CNTLN: variants seen among roughly 807,000 people sequenced by gnomAD.
CNTLN encodes the protein centlein, also known as centlein, centrosomal protein.
CNTLN carries 212 observed loss-of-function variants against 180.0 expected under a neutral mutation model. That is an observed-to-expected ratio of 1.18 (90% CI 1.05 to 1.32). The LOEUF is 1.32. Ranked by LOEUF, CNTLN falls within the 40% of genes most tolerant of loss-of-function variation. The pLI is 0.00. For synonymous variants in CNTLN, 722 were observed against 563.1 expected, an observed-to-expected ratio of 1.28 and a Z score of -3.99; for missense variants, 2,095 against 1,610.9, an observed-to-expected ratio of 1.30 and a Z score of -5.14.
At chr9:17,526,230 C>T in the CNTLN span, among the ~76,000 whole-genome samples, 1 of 152,230 alleles carries the variant, frequency 6.6e-6, no homozygotes, top group East Asian at 1.9e-4. Flanking sequence ...CCACCGTGCC[C>T]GGCCTGGACA....
At chr9:17,263,266 C>G (rs1446836350) in intron 5 of CNTLN, among the ~76,000 whole-genome samples, 2 of 136,986 alleles carry the variant, frequency 1.5e-5, no homozygotes, top group Non-Finnish European at 3.0e-5. Flanking sequence ...TTGTTCAATT[C>G]CCACCAGTGA....
intron 18 of CNTLN, among the ~76,000 whole-genome samples, chr9:17,424,679 T>G (rs1440418323): frequency 6.6e-6 from 1 of 152,192 alleles, no homozygotes; most frequent in Non-Finnish European, 1.5e-5. Context: ...CCCTAAATTC[T>G]TATGTTGATT....
intron 6 of CNTLN, among the ~76,000 whole-genome samples, chr9:17,290,728 C>G (rs1289716751): frequency 6.6e-6 from 1 of 151,632 alleles, no homozygotes; most frequent in Non-Finnish European, 1.5e-5. Context: ...GCTTTTTAAG[C>G]CGGTCTGAAA....
At chr9:17,232,703 G>A (rs1005882606) in intron 3 of CNTLN, among the ~76,000 whole-genome samples, 19 of 152,008 alleles carry the variant, frequency 1.2e-4, no homozygotes, top group Middle Eastern at 3.4e-3. Context: ...TCTAGTTTGG[G>A]AGATATTATG....
the CNTLN span, among the ~76,000 whole-genome samples, chr9:17,511,127 C>A: frequency 6.6e-6 from 1 of 152,046 alleles, no homozygotes; most frequent in Non-Finnish European, 1.5e-5. Flanking sequence ...CATTCTCACC[C>A]CAACATTTGT....
intron 5 of CNTLN, among the ~76,000 whole-genome samples, chr9:17,242,722 GATGA>G (rs1488516599): frequency 6.6e-6 from 1 of 152,178 alleles, no homozygotes; most frequent in Non-Finnish European, 1.5e-5. Flanking sequence ...ACTTGGTCAT[GATGA>G]ATGATCTTTT....
At chr9:17,147,499 C>T (rs1818536247) in intron 2 of CNTLN, among the ~76,000 whole-genome samples, 1 of 152,128 alleles carries the variant, frequency 6.6e-6, no homozygotes, top group African/African-American at 2.4e-5. Context: ...AAAGCAGCAT[C>T]CTCTTCTGTA....
chr9:17,233,525 C>T (rs1193880792), intron 3 of CNTLN, among the ~76,000 whole-genome samples: 1 of 152,038 alleles, frequency 6.6e-6, no homozygotes, highest in African/African-American at 2.4e-5. Flanking sequence ...TACTAGATTG[C>T]AGTCTGCAGT....
chr9:17,402,118 C>T (rs181894356), intron 15 of CNTLN, among the ~76,000 whole-genome samples: 8 of 151,878 alleles, frequency 5.3e-5, no homozygotes, highest in African/African-American at 1.9e-4. Context: ...CATATAGACA[C>T]CTAAGGCTAT....
intron 12 of CNTLN, among the ~76,000 whole-genome samples, chr9:17,360,450 G>T (rs997452005): frequency 2.6e-4 from 40 of 152,152 alleles, no homozygotes; most frequent in African/African-American, 9.4e-4. Flanking sequence ...ACCTTATCAG[G>T]ATTTTGATTG....
intron 6 of CNTLN, among the ~76,000 whole-genome samples, chr9:17,296,417 A>C (rs1157965624): frequency 6.6e-6 from 1 of 152,104 alleles, no homozygotes; most frequent in Non-Finnish European, 1.5e-5. Flanking sequence ...AGAAATACCA[A>C]ATGTCTTCTA....
intron 16 of CNTLN, among the ~76,000 whole-genome samples, chr9:17,410,185 G>A (rs887461179): frequency 1.2e-4 from 18 of 152,058 alleles, no homozygotes; most frequent in African/African-American, 4.1e-4. Flanking sequence ...AGATTTTATA[G>A]AAATTTTTGC....
chr9:17,357,322 G>A (rs1486213985), intron 12 of CNTLN, among the ~76,000 whole-genome samples: 2 of 151,428 alleles, frequency 1.3e-5, no homozygotes, highest in Non-Finnish European at 2.9e-5. Context: ...TTTGTATTTT[G>A]CTATAAAGTC....
intron 2 of CNTLN, among the ~76,000 whole-genome samples, chr9:17,190,125 T>A: frequency 6.7e-6 from 1 of 149,696 alleles, no homozygotes; most frequent in Non-Finnish European, 1.5e-5. Flanking sequence ...GGTCTCTTCT[T>A]CCTTTGCTGT....
intron 6 of CNTLN, among the ~76,000 whole-genome samples, chr9:17,275,893 A>G (rs1828278730): frequency 6.6e-6 from 1 of 152,096 alleles, no homozygotes; most frequent in Non-Finnish European, 1.5e-5. Context: ...AAAAAACCAA[A>G]TACTTCATGT....
At chr9:17,333,612 G>A (rs1455103831) in intron 10 of CNTLN, among the ~76,000 whole-genome samples, 1 of 152,040 alleles carries the variant, frequency 6.6e-6, no homozygotes, top group African/African-American at 2.4e-5. Context: ...GGGTTTATGG[G>A]TATAGTTAAC....
intron 15 of CNTLN, among the ~76,000 whole-genome samples, chr9:17,405,536 C>T (rs1300624022): frequency 6.6e-6 from 1 of 151,634 alleles, no homozygotes; most frequent in Non-Finnish European, 1.5e-5. Flanking sequence ...ATAACAAACT[C>T]ACTCCCATGA....
intron 19 of CNTLN, among the ~76,000 whole-genome samples, chr9:17,459,599 G>A (rs144238366): frequency 2.0e-4 from 30 of 151,866 alleles, no homozygotes; most frequent in Non-Finnish European, 3.7e-4. Context: ...AAATACCACA[G>A]ACTGGTTATC....
At chr9:17,215,180 A>G (rs147094580) in intron 2 of CNTLN, among the ~76,000 whole-genome samples, 3,966 of 152,096 alleles carry the variant, frequency 0.026, 175 homozygotes, top group African/African-American at 0.09. Context: ...CCATCTTTGT[A>G]GTTTTATCTA....
Sources: gnomAD v4.1 joint callset for allele counts (sites outside exome capture counted in the v4.1 genomes callset) on GRCh38, gnomAD v4.1.1 for gene constraint, MANE v1.5 for transcripts, NCBI Gene and HGNC (gene_info 2026-07-23, HGNC 2026-07-21) for gene names.